The following SLC68A1 variants were observed in gnomAD, a reference collection of about 807,000 sequenced individuals.
The protein encoded by SLC68A1 is major facilitator superfamily domain containing 13A.
At chr10:102,476,823 A>C in the SLC68A1 span, 5 of 985,720 alleles carry the variant, frequency 5.1e-6, no homozygotes, top group Non-Finnish European at 1.2e-6. Context: ...AACCACTTTT[A>C]ATACTGCAAC....
At chr10:102,475,686 G>A in the SLC68A1 span, 7 of 1,548,546 alleles carry the variant, frequency 4.5e-6, no homozygotes, top group Non-Finnish European at 6.1e-6. Flanking sequence ...GAGGACAGTG[G>A]GCTGACCATG....
the SLC68A1 span, chr10:102,471,375 C>A: frequency 6.2e-7 from 1 of 1,613,044 alleles, no homozygotes; most frequent in Non-Finnish European, 8.5e-7. Context: ...TCCTGTGGTT[C>A]GTGAGCATGG....
At chr10:102,476,880 C>G in the SLC68A1 span, 3 of 985,524 alleles carry the variant, frequency 3.0e-6, no homozygotes, top group Non-Finnish European at 2.4e-6. Context: ...AGTCCCACCT[C>G]CCACTCCGTC....
chr10:102,475,111 T>C, the SLC68A1 span, among the ~76,000 whole-genome samples: 1 of 151,852 alleles, frequency 6.6e-6, no homozygotes, highest in Non-Finnish European at 1.5e-5. Flanking sequence ...GGTCAACATA[T>C]AGTGAAACCC....
chr10:102,468,418 A>G, the SLC68A1 span: 1 of 152,478 alleles, frequency 6.6e-6, no homozygotes, highest in African/African-American at 2.4e-5. Flanking sequence ...CAATGAGGCA[A>G]TCTCAGCACT....
chr10:102,475,651 T>C, the SLC68A1 span: 1 of 1,509,658 alleles, frequency 6.6e-7, no homozygotes. Flanking sequence ...TGTCACACCA[T>C]AGACTTGGAG....
At chr10:102,469,127 TC>T in the SLC68A1 span, 1 of 1,614,048 alleles carries the variant, frequency 6.2e-7, no homozygotes, top group Non-Finnish European at 8.5e-7. Context: ...CACAATGTCT[TC>T]CTGCTCTACT....
the SLC68A1 span, among the ~76,000 whole-genome samples, chr10:102,467,913 C>T: frequency 6.6e-6 from 1 of 152,152 alleles, no homozygotes; most frequent in Non-Finnish European, 1.5e-5. Context: ...CTACCCCGGC[C>T]TCCCAAAGTG....
At chr10:102,475,958 C>T in the SLC68A1 span, 3 of 1,611,296 alleles carry the variant, frequency 1.9e-6, no homozygotes, top group Non-Finnish European at 1.7e-6. Context: ...GTCACAGGCC[C>T]AAACCCTGGA....
chr10:102,471,347 TG>T, the SLC68A1 span: 1 of 1,613,838 alleles, frequency 6.2e-7, no homozygotes, highest in Non-Finnish European at 8.5e-7. Context: ...CTCCGGCAGC[TG>T]GCACGCCATC....
At chr10:102,476,069 T>G in the SLC68A1 span, 2 of 1,280,312 alleles carry the variant, frequency 1.6e-6, no homozygotes, top group Non-Finnish European at 2.0e-6. Context: ...TTTTAAGGAT[T>G]TCATAGTTTT....
chr10:102,463,468 G>T, the SLC68A1 span, among the ~76,000 whole-genome samples: 2 of 152,078 alleles, frequency 1.3e-5, no homozygotes, highest in Non-Finnish European at 2.9e-5. Flanking sequence ...ACCGCGCCCG[G>T]TATCAGCCCT....
chr10:102,467,462 G>C, the SLC68A1 span, among the ~76,000 whole-genome samples: 2 of 152,188 alleles, frequency 1.3e-5, no homozygotes, highest in Non-Finnish European at 2.9e-5. Context: ...AAACTTATCA[G>C]CTTGCATGCT....
the SLC68A1 span, chr10:102,475,904 C>T: frequency 6.2e-7 from 1 of 1,613,878 alleles, no homozygotes; most frequent in Non-Finnish European, 8.5e-7. Flanking sequence ...GTTCACGCTG[C>T]ATGGGAGACG....
chr10:102,470,269 G>A, the SLC68A1 span, among the ~76,000 whole-genome samples: 1 of 151,168 alleles, frequency 6.6e-6, no homozygotes, highest in Non-Finnish European at 1.5e-5. Flanking sequence ...CACTTGCCTG[G>A]CTCGGCAGGG....
the SLC68A1 span, among the ~76,000 whole-genome samples, chr10:102,466,482 C>CAAAAAA: frequency 9.9e-6 from 1 of 100,804 alleles, no homozygotes; most frequent in Non-Finnish European, 1.9e-5. Context: ...GACTCCACCT[C>CAAAAAA]AAAAAAAAAA....
At chr10:102,471,459 C>T in the SLC68A1 span, 6 of 1,583,620 alleles carry the variant, frequency 3.8e-6, no homozygotes, top group African/African-American at 4.0e-5. Flanking sequence ...GGGACAGACT[C>T]CTCAAGAGCT....
the SLC68A1 span, chr10:102,474,001 G>T: frequency 6.2e-7 from 1 of 1,603,272 alleles, no homozygotes. Context: ...TGGCTGCTCT[G>T]TTTCTACACA....
At chr10:102,475,947 T>TGTCA in the SLC68A1 span, 6 of 1,612,568 alleles carry the variant, frequency 3.7e-6, no homozygotes, top group Non-Finnish European at 5.1e-6. Context: ...CGCCAGAACC[T>TGTCA]GTCACAGGCC....
Sources: allele counts gnomAD v4.1 joint callset (sites outside exome capture counted in the v4.1 genomes callset), GRCh38; gene constraint gnomAD v4.1.1; transcripts MANE v1.5; gene names NCBI Gene and HGNC (gene_info 2026-07-23, HGNC 2026-07-21).